The following MARK3 variants were observed in gnomAD, a reference collection of about 807,000 sequenced individuals.
The protein encoded by MARK3 is MAP/microtubule affinity-regulating kinase 3.
Under a neutral mutation model 90.1 loss-of-function variants are expected in MARK3, and 46 were observed. The ratio of observed to expected loss-of-function variants is 0.51; its 90% CI spans 0.40 to 0.65. The LOEUF (loss-of-function observed/expected upper bound fraction) is 0.65, where lower values mean the gene tolerates loss of function less well. Ranked by LOEUF, MARK3 falls within the 30% of genes least tolerant of loss-of-function variation. The pLI is 0.00. For missense variants in MARK3, 818 were observed against 947.2 expected (o/e 0.86, Z 1.79); for synonymous variants, 321 against 332.6 (o/e 0.97, Z 0.38).
rs768977846 is a variant in MARK3, at chr14:103,442,942, T to TCCC, written c.298-5970_298-5968dup. On this transcript the variant is annotated intron_variant, in intron 3 of 17. Transcript: ENST00000429436. ...GGTAAATCCAAAACTTTGGTGGGTG[T>TCCC]CCCCCCCCCTCCCACCGACAAGGAA... Among the ~76,000 whole-genome samples, 67 of 103,686 alleles carry TCCC rather than the reference T, an allele frequency of 6.5e-4. 3 individuals are homozygous for TCCC. The highest frequency in any genetic ancestry group is 2.0e-3 in the African/African-American group (54 of 27,666). The allele number at this position is 103,686 out of a possible 152,430, so 68.0% of individuals were successfully genotyped here. A position where few individuals can be genotyped will look rare whatever the true frequency, so the allele number is the denominator to read the frequency against.
intron 1 of MARK3, chr14:103,386,311 T>C: frequency 1.4e-6 from 1 of 699,470 alleles, no homozygotes; most frequent in Non-Finnish European, 2.6e-6. Context: ...GTCTAGTCGG[T>C]TAATAAAGCC....
chr14:103,496,459 C>G (rs1361512853), intron 15 of MARK3, among the ~76,000 whole-genome samples: 2 of 151,700 alleles, frequency 1.3e-5, no homozygotes, highest in African/African-American at 4.8e-5. Context: ...GTCACCCAGG[C>G]TGGAGTGCAG....
chr14:103,417,704 A>G (rs1049683010), intron 2 of MARK3, among the ~76,000 whole-genome samples: 3 of 151,986 alleles, frequency 2.0e-5, no homozygotes, highest in Admixed American at 6.6e-5. Context: ...CTCAAAATCT[A>G]TCTTCTATCT....
Position 103,405,069 on chromosome 14 carries a change from A to G in MARK3, c.52-7A>G, listed in dbSNP as rs771903148. 1 of 1,612,830 alleles carries G rather than the reference A, an allele frequency of 6.2e-7. No individual in the cohort carries two copies. The highest frequency in any genetic ancestry group is 1.1e-5 in the South Asian group (1 of 90,912). On this transcript the variant is annotated splice_polypyrimidine_tract_variant and splice_region_variant and intron_variant, in intron 1 of 17. Transcript: ENST00000429436. ...ATTTCCTTATCTTTGTGTATGCTGTATTGCAGCACACGTCACATGGAGATG... is the reference window on the plus strand; with the variant it reads ...ATTTCCTTATCTTTGTGTATGCTGTGTTGCAGCACACGTCACATGGAGATG...
intron 3 of MARK3, among the ~76,000 whole-genome samples, chr14:103,431,258 A>G (rs1238669583): frequency 6.6e-6 from 1 of 152,032 alleles, no homozygotes; most frequent in Non-Finnish European, 1.5e-5. Flanking sequence ...CACCTGGCTA[A>G]TGTTTGTATT....
intron 2 of MARK3, among the ~76,000 whole-genome samples, chr14:103,427,810 TCAC>T (rs2092459720): frequency 6.6e-6 from 1 of 152,060 alleles, no homozygotes; most frequent in Non-Finnish European, 1.5e-5. Context: ...CAACCAGAGG[TCAC>T]TTTCATCGCC....
intron 13 of MARK3, among the ~76,000 whole-genome samples, chr14:103,477,498 T>TA (rs143455060): frequency 0.029 from 4,176 of 146,524 alleles, 208 homozygotes; most frequent in African/African-American, 0.098. Flanking sequence ...TCTCAAAAAA[T>TA]AAAAAAAAAA....
intron 15 of MARK3, among the ~76,000 whole-genome samples, chr14:103,495,887 A>G (rs2075310758): frequency 6.6e-6 from 1 of 152,232 alleles, no homozygotes; most frequent in Non-Finnish European, 1.5e-5. Context: ...TTAAAATTGC[A>G]TTGCCTGAAA....
In MARK3 at chr14:103,468,146, T is replaced by C. The variant is rs1371835204; in HGVS notation, c.1224T>C (p.Ser408=). The change falls in exon 12 of 18, where the codon AGT becomes AGC. Residue 408 remains serine, a synonymous_variant. Transcript: ENST00000429436. ...GQSPHHKVQR[S]VSSSQKQRRY... ...CTCCTCACCACAAAGTGCAGAGAAG[T>C]GTTTCTTCAAGCCAAAAGCAAAGAC... 1.2e-6 allele frequency: 2 copies of C among 1,613,732 alleles called. No individual in the cohort carries two copies. The highest frequency in any genetic ancestry group is 2.2e-5 in the South Asian group (2 of 91,056).
intron 2 of MARK3, among the ~76,000 whole-genome samples, chr14:103,413,586 CTTATT>C (rs1293247645): frequency 2.7e-5 from 4 of 150,066 alleles, no homozygotes; most frequent in African/African-American, 7.3e-5. Flanking sequence ...CCGCACCTGG[CTTATT>C]TTATTTTATT....
chr14:103,473,632 T>C lies in MARK3; in HGVS notation c.1265-1361T>C, dbSNP rs139456339. ...TTCTCCCACAAATAAAATTAAGCCC[T>C]CATTTACTTTTAATTCAGTTCCAAA... On this transcript the variant is annotated intron_variant, in intron 12 of 17. Transcript: ENST00000429436. Among the ~76,000 whole-genome samples the C allele has an allele frequency of 1.0e-3, 154 of 152,326 alleles. 2 individuals carry two copies. Among genetic ancestry groups the C allele is most frequent in the East Asian group, 1.9e-4 (1 of 5,194 alleles).
At chr14:103,499,439 G>A (rs2075532638) in intron 16 of MARK3, 1 of 152,208 alleles carries the variant, frequency 6.6e-6, no homozygotes, top group Non-Finnish European at 1.5e-5. Context: ...CAGCCTAGGG[G>A]AGTGAGACCC....
intron 2 of MARK3, among the ~76,000 whole-genome samples, chr14:103,406,824 G>GTTTTGT (rs1225720726): frequency 8.7e-5 from 13 of 149,688 alleles, no homozygotes; most frequent in African/African-American, 3.2e-4. Context: ...GGAGTTTTTT[G>GTTTTGT]TTTTGTTTTT....
intron 15 of MARK3, among the ~76,000 whole-genome samples, chr14:103,494,127 T>C (rs1019185966): frequency 2.2e-4 from 33 of 149,166 alleles, no homozygotes; most frequent in African/African-American, 7.9e-4. Flanking sequence ...CCAGCTACTC[T>C]GGAGGCTGAG....
intron 3 of MARK3, among the ~76,000 whole-genome samples, chr14:103,446,624 G>A (rs1477911559): frequency 1.3e-5 from 2 of 151,946 alleles, no homozygotes; most frequent in African/African-American, 4.8e-5. Flanking sequence ...AGGTTGCAGG[G>A]ATGCCATGGC....
At chr14:103,395,366 T>TC (rs60514700) in intron 1 of MARK3, among the ~76,000 whole-genome samples, 102,305 of 151,324 alleles carry the variant, frequency 0.68, 34,896 homozygotes, top group East Asian at 0.86. Flanking sequence ...AATAACATCA[T>TC]TCAAGTTGTG....
chr14:103,392,121 A>G (rs1196751554), intron 1 of MARK3, among the ~76,000 whole-genome samples: 1 of 152,040 alleles, frequency 6.6e-6, no homozygotes, highest in African/African-American at 2.4e-5. Context: ...TAGTCCCCCA[A>G]ATTTCTGACC....
At chr14:103,455,246 GA>G (rs2093249417) in intron 5 of MARK3, among the ~76,000 whole-genome samples, 1 of 152,154 alleles carries the variant, frequency 6.6e-6, no homozygotes, top group Admixed American at 6.5e-5. Context: ...TCTCCTATAT[GA>G]TATTCACTCA....
At chr14:103,424,746 C>T (rs915448994) in intron 2 of MARK3, among the ~76,000 whole-genome samples, 10 of 151,920 alleles carry the variant, frequency 6.6e-5, no homozygotes, top group South Asian at 2.1e-4. Context: ...GTATGTCTAA[C>T]GGTTTCATTG....
Sources: gnomAD v4.1 joint callset for allele counts (sites outside exome capture counted in the v4.1 genomes callset) on GRCh38, gnomAD v4.1.1 for gene constraint, MANE v1.5 for transcripts, NCBI Gene and HGNC (gene_info 2026-07-23, HGNC 2026-07-21) for gene names.